Variants in LMO2 observed in about 807,000 individuals in gnomAD.
The protein encoded by LMO2 is LIM domain only 2.
A neutral mutation model predicts 23.2 loss-of-function variants in LMO2; 20 were observed. That is an observed-to-expected ratio of 0.86 (90% CI 0.61 to 1.25). The LOEUF (loss-of-function observed/expected upper bound fraction) is 1.25, where lower values mean the gene tolerates loss of function less well. Ranked by LOEUF, LMO2 falls within the 50% of genes most tolerant of loss-of-function variation. LMO2 has a pLI of 0.00. For synonymous variants in LMO2, 123 were observed against 130.2 expected, an observed-to-expected ratio of 0.94 and a Z score of 0.38; for missense variants, 270 against 315.3, an observed-to-expected ratio of 0.86 and a Z score of 1.09.
At position 33,880,787 on chromosome 11, in the gene LMO2, G is replaced by T; in HGVS notation, c.-272+1037C>A. The T allele has an allele frequency of 5.5e-6, 1 of 180,388 alleles. No homozygotes were observed. The highest frequency in any genetic ancestry group is 1.2e-5 in the Non-Finnish European group (1 of 84,678). 11.2% of individuals were successfully genotyped at this position (180,388 alleles called of 1,614,324 possible). On this transcript the variant is annotated intron_variant, in intron 2 of 5. Transcript: ENST00000257818. The surrounding 1 kb of genome is among the most constrained non-coding windows in gnomAD (Gnocchi z 4.3). The stretch of plus-strand genomic sequence containing the variant: ...TTACATATTGTTCCAGGGAGCTCAC[G>T]GTCTTCTCAGGTTCATCTGTGGAAC...
At position 33,864,517 on chromosome 11, in the gene LMO2, T is replaced by G; in HGVS notation, c.464+85A>C. The G allele has an allele frequency of 8.9e-7, 1 of 1,118,580 alleles. No homozygotes were observed. Among genetic ancestry groups the G allele is most frequent in the Non-Finnish European group, 1.3e-6 (1 of 776,560 alleles). 69.3% of individuals were successfully genotyped at this position (1,118,580 alleles called of 1,614,324 possible). Reference sequence around the variant, plus strand: ...GGTGGTGTCCGAGCCTGGAGCAGGGTAAGGGGCAACACACACCGACTGCAG... The same window carrying G: ...GGTGGTGTCCGAGCCTGGAGCAGGGGAAGGGGCAACACACACCGACTGCAG... On this transcript the variant is annotated intron_variant, in intron 5 of 5. Coordinates refer to ENST00000257818, the MANE Select transcript of LMO2 (RefSeq NM_005574.4). This position sits in a 1 kb window ranked among gnomAD's most constrained non-coding sequence, Gnocchi z 4.8.
chr11:33,871,748 T>G (rs113396705), intron 2 of LMO2, among the ~76,000 whole-genome samples: 67 of 152,228 alleles, frequency 4.4e-4, no homozygotes, highest in African/African-American at 1.5e-3. Context: ...TGATGAACAG[T>G]TTACCTACTT....
At chr11:33,878,773 TGC>T (rs1216753926) in intron 2 of LMO2, among the ~76,000 whole-genome samples, 1 of 152,228 alleles carries the variant, frequency 6.6e-6, no homozygotes, top group Non-Finnish European at 1.5e-5. Context: ...CCTAGCTAGG[TGC>T]CTCATTAGAT....
chr11:33,860,894 G>A (rs748766106), intron 5 of LMO2, among the ~76,000 whole-genome samples: 41 of 152,208 alleles, frequency 2.7e-4, no homozygotes, highest in Admixed American at 5.2e-4. Flanking sequence ...ACACTTCCGG[G>A]GGACTGGTTG....
rs1469727939 is a variant in LMO2 at position 33,881,898 on chromosome 11, A to C, written c.-335-11T>G. On this transcript the variant is annotated splice_polypyrimidine_tract_variant and intron_variant, in intron 1 of 5. Transcript: ENST00000257818. The stretch of plus-strand genomic sequence containing the variant: ...TCAGAGCAGTTGTTACTGAAAGAAA[A>C]TGAGAGGAACCCTCTGGTTTAGACA... 1 of 156,304 alleles carries C rather than the reference A, an allele frequency of 6.4e-6. No homozygotes were observed. Among genetic ancestry groups the C allele is most frequent in the Non-Finnish European group, 1.4e-5 (1 of 70,750 alleles). The allele number at this position is 156,304 out of a possible 1,614,324, so 9.7% of individuals were successfully genotyped here.
At position 33,869,693 on chromosome 11, in the gene LMO2, G is replaced by A; in HGVS notation, c.7+17C>T. 7.8e-7 allele frequency: 1 copy of A among 1,286,100 alleles called. No individual in the cohort carries two copies. The highest frequency in any genetic ancestry group is 1.0e-6 in the Non-Finnish European group (1 of 1,001,202). The allele number at this position is 1,286,100 out of a possible 1,614,324, so 79.7% of individuals were successfully genotyped here. ...GCTCCAGGCGGCTGCAGCTGCTGCTGCTGCTCAGGACTTAACCTTCCATCC... is the reference window on the plus strand; with the variant it reads ...GCTCCAGGCGGCTGCAGCTGCTGCTACTGCTCAGGACTTAACCTTCCATCC... On this transcript the variant is annotated intron_variant, in intron 3 of 5. Transcript: ENST00000257818.
chr11:33,875,578 C>CA (rs71037312), intron 2 of LMO2, among the ~76,000 whole-genome samples: 5,256 of 115,108 alleles, frequency 0.046, 346 homozygotes, highest in East Asian at 0.15. Context: ...AACTCCTTCT[C>CA]AAAAAAAAAA....
At chr11:33,861,590 T>A (rs1218564497) in intron 5 of LMO2, among the ~76,000 whole-genome samples, 2 of 152,158 alleles carry the variant, frequency 1.3e-5, no homozygotes, top group East Asian at 1.9e-4. Flanking sequence ...ACCGCCACAT[T>A]GGAGGTCACA....
At chr11:33,874,698 T>A (rs1049628577) in intron 2 of LMO2, among the ~76,000 whole-genome samples, 2 of 152,228 alleles carry the variant, frequency 1.3e-5, no homozygotes, top group African/African-American at 2.4e-5. Flanking sequence ...GAAGTTCACC[T>A]AAGACCTCGG....
At chr11:33,872,406 G>C (rs1857046792) in intron 2 of LMO2, among the ~76,000 whole-genome samples, 1 of 152,196 alleles carries the variant, frequency 6.6e-6, no homozygotes, top group African/African-American at 2.4e-5. Context: ...GCACAAAAGG[G>C]TGGCACATAG....
At chr11:33,867,139 G>A (rs551640920) in intron 4 of LMO2, among the ~76,000 whole-genome samples, 1 of 152,346 alleles carries the variant, frequency 6.6e-6, no homozygotes, top group South Asian at 2.1e-4. Flanking sequence ...GTTACTCACA[G>A]GGGAGGCAGT....
At chr11:33,867,629 C>T (rs1229526629) in intron 4 of LMO2, among the ~76,000 whole-genome samples, 1 of 152,196 alleles carries the variant, frequency 6.6e-6, no homozygotes, top group Non-Finnish European at 1.5e-5. Flanking sequence ...AATTTCTCAA[C>T]TGGCTTGTCC....
At chr11:33,886,652 G>A (rs1857415344) in intron 1 of LMO2, among the ~76,000 whole-genome samples, 1 of 152,212 alleles carries the variant, frequency 6.6e-6, no homozygotes, top group Non-Finnish European at 1.5e-5. Context: ...TATAATGACA[G>A]GGGCATCTGT....
chr11:33,887,210 A>AC (rs1487110397), intron 1 of LMO2, among the ~76,000 whole-genome samples: 13 of 152,262 alleles, frequency 8.5e-5, no homozygotes, highest in Non-Finnish European at 1.8e-4. Context: ...ACCACAAGCC[A>AC]TTTTGTAGCT....
At chr11:33,860,979 T>C (rs1381889059) in intron 5 of LMO2, among the ~76,000 whole-genome samples, 2 of 152,160 alleles carry the variant, frequency 1.3e-5, no homozygotes, top group African/African-American at 4.8e-5. Context: ...CCAGCTTCAA[T>C]GTCCCGGACC....
At chr11:33,885,783 G>A (rs1439024100) in intron 1 of LMO2, among the ~76,000 whole-genome samples, 1 of 152,238 alleles carries the variant, frequency 6.6e-6, no homozygotes, top group Non-Finnish European at 1.5e-5. Flanking sequence ...CTTGGTAGAT[G>A]ATGTGGGTAA....
intron 1 of LMO2, among the ~76,000 whole-genome samples, chr11:33,890,221 T>C (rs1019212227): frequency 1.3e-5 from 2 of 152,180 alleles, no homozygotes; most frequent in African/African-American, 4.8e-5. Context: ...TCAATAGATA[T>C]CAATCTGGTG....
chr11:33,859,132 A>C lies in LMO2; in HGVS notation c.*224T>G, dbSNP rs181678429. The C allele has an allele frequency of 3.8e-6, 2 of 524,856 alleles. No individual in the cohort carries two copies. The highest frequency in any genetic ancestry group is 6.9e-6 in the Non-Finnish European group (2 of 288,756). The allele number at this position is 524,856 out of a possible 1,614,324, so 32.5% of individuals were successfully genotyped here. On this transcript the variant is annotated 3_prime_UTR_variant, in exon 6 of 6. Transcript: ENST00000257818. ...CAGTTACTATGGATGGGCTGTGGCC[A>C]TAAGTTCTCCCTCAAGGGCTGGTCC...
intron 1 of LMO2, among the ~76,000 whole-genome samples, chr11:33,888,682 C>T (rs1857471974): frequency 6.6e-6 from 1 of 152,206 alleles, no homozygotes; most frequent in African/African-American, 2.4e-5. Flanking sequence ...TATTTTTCTC[C>T]CTAGCACATA....
Sources: gnomAD v4.1 joint callset for allele counts (sites outside exome capture counted in the v4.1 genomes callset) on GRCh38, gnomAD v4.1.1 for gene constraint, Gnocchi (gnomAD v3.1) non-coding constraint, MANE v1.5 for transcripts, NCBI Gene and HGNC (gene_info 2026-07-23, HGNC 2026-07-21) for gene names.